The following PACS2 variants were observed in gnomAD, a reference collection of about 807,000 sequenced individuals.
The protein encoded by PACS2 is phosphofurin acidic cluster sorting protein 2, also known as PACS1-like protein.
Under a neutral mutation model 113.0 loss-of-function variants are expected in PACS2, and 36 were observed. The ratio of observed to expected loss-of-function variants is 0.32; its 90% CI spans 0.24 to 0.42. The LOEUF (loss-of-function observed/expected upper bound fraction) is 0.42. PACS2 is among the 10% of genes least tolerant of loss of function. The pLI, the probability that PACS2 is intolerant of heterozygous loss-of-function variation, is 1.00. For missense variants in PACS2, 1,015 were observed against 1,239.5 expected (o/e 0.82, Z 2.72); for synonymous variants, 589 against 536.1 (o/e 1.10, Z -1.36).
chr14:105,323,590 G>C lies in PACS2; in HGVS notation c.119+8553G>C, dbSNP rs893836222. ...TTTCATTTTGAGTGGTGGGGAAGTC[G>C]CTGGACTATTTCAAGTGTGTGTATT... On this transcript the variant is annotated intron_variant, in intron 1 of 24. Coordinates refer to ENST00000447393, the MANE Select transcript of PACS2 (RefSeq NM_001100913.3). The surrounding 1 kb of genome is among the most constrained non-coding windows in gnomAD (Gnocchi z 4.1). 6.6e-6 allele frequency among the ~76,000 whole-genome samples: 1 copy of C among 152,230 alleles called. No homozygotes were observed. The highest frequency in any genetic ancestry group is 1.5e-5 in the Non-Finnish European group (1 of 68,042).
intron 4 of PACS2, among the ~76,000 whole-genome samples, chr14:105,363,098 G>C (rs1473609634): frequency 6.6e-6 from 1 of 152,168 alleles, no homozygotes; most frequent in Non-Finnish European, 1.5e-5. Flanking sequence ...TGTCATCCAG[G>C]CTTTGTTGTT....
intron 6 of PACS2, 115 bp downstream of exon 6, chr14:105,368,262 C>G (rs1334348230): frequency 1.2e-6 from 1 of 867,422 alleles, no homozygotes; most frequent in Non-Finnish European, 1.8e-6. Flanking sequence ...AGCCACGGGC[C>G]TGGCCCCTGG....
At chr14:105,385,047 G>A (rs898458239) in intron 18 of PACS2, 60 bp downstream of exon 18, 10 of 1,074,106 alleles carry the variant, frequency 9.3e-6, no homozygotes, top group African/African-American at 7.8e-5. Flanking sequence ...ACCCTCCGTG[G>A]GCCTCCCCAC....
intron 1 of PACS2, among the ~76,000 whole-genome samples, chr14:105,347,345 G>A (rs1178140755): frequency 2.6e-5 from 4 of 152,090 alleles, no homozygotes; most frequent in African/African-American, 9.7e-5. Context: ...TGCTGGAAGG[G>A]CCTGGGACTG....
chr14:105,324,963 G>A lies in PACS2; in HGVS notation c.119+9926G>A, dbSNP rs587757511. 1.3e-5 allele frequency among the ~76,000 whole-genome samples: 2 copies of A among 152,226 alleles called. No individual in the cohort carries two copies. The highest frequency in any genetic ancestry group is 3.9e-4 in the East Asian group (2 of 5,174). On this transcript the variant is annotated intron_variant, in intron 1 of 24. Coordinates refer to ENST00000447393, the MANE Select transcript of PACS2 (RefSeq NM_001100913.3). The surrounding 1 kb of genome is among the most constrained non-coding windows in gnomAD (Gnocchi z 4.7). ...TGGGTCTGCCCTTCCTGCTGGGGGT[G>A]CACACGGGCCTGGGGCTGAGCAACC...
chr14:105,361,256 G>C (rs2060666599), intron 4 of PACS2, among the ~76,000 whole-genome samples: 1 of 152,252 alleles, frequency 6.6e-6, no homozygotes, highest in African/African-American at 2.4e-5. Flanking sequence ...CACTTTGGGA[G>C]GCCAAGGTGG....
rs1259321871 is a variant in PACS2, at chr14:105,380,612, C to T, written c.1126-345C>T. Among the ~76,000 whole-genome samples the T allele has an allele frequency of 9.2e-5, 14 of 152,146 alleles. 1 individual carries two copies. Among genetic ancestry groups the T allele is most frequent in the Admixed American group, 4.6e-4 (7 of 15,286 alleles). On this transcript the variant is annotated intron_variant, in intron 11 of 24. Coordinates refer to ENST00000447393, the MANE Select transcript of PACS2 (RefSeq NM_001100913.3). Reference sequence around the variant, plus strand: ...CCTGGACTCACCCCACCCGCAGGGTCAGGGCCCCCGGACTCCCCCCACCCT... The same window carrying T: ...CCTGGACTCACCCCACCCGCAGGGTTAGGGCCCCCGGACTCCCCCCACCCT...
intron 12 of PACS2, 113 bp from the exon 13 acceptor site, chr14:105,381,801 C>T: frequency 2.0e-6 from 2 of 989,452 alleles, no homozygotes; most frequent in Non-Finnish European, 3.0e-6. Context: ...GCCCTGTGCT[C>T]ACCCTTCCCT....
rs947046141 is a variant in PACS2, at chr14:105,324,729, C to T, written c.119+9692C>T. On this transcript the variant is annotated intron_variant, in intron 1 of 24. Coordinates refer to ENST00000447393, the MANE Select transcript of PACS2 (RefSeq NM_001100913.3). The surrounding 1 kb of genome is among the most constrained non-coding windows in gnomAD (Gnocchi z 4.7). ...AGGCCGGTGGCGCCCCGTCTCACCC[C>T]ACGGATGGGGGGCAGGCTCTCCAGG... Among the ~76,000 whole-genome samples the T allele has an allele frequency of 1.3e-5, 2 of 151,774 alleles. No homozygotes were observed. The highest frequency in any genetic ancestry group is 6.6e-5 in the Admixed American group (1 of 15,258).
chr14:105,310,417 C>A (rs1308686940), upstream of PACS2, among the ~76,000 whole-genome samples: 1 of 151,200 alleles, frequency 6.6e-6, no homozygotes, highest in Non-Finnish European at 1.5e-5. Context: ...GTAGTCCCCC[C>A]TACTCAGGAG....
intron 19 of PACS2, among the ~76,000 whole-genome samples, chr14:105,386,792 G>T (rs1231512235): frequency 6.6e-6 from 1 of 152,128 alleles, no homozygotes; most frequent in African/African-American, 2.4e-5. Context: ...ACAGGAAGGG[G>T]GCTGAACATC....
rs374454981 is a variant in PACS2 at position 105,379,836 on chromosome 14, G to C, written c.1050+7G>C. ...CAAGGAGCCCCCAAGCCCGGTGAGT[G>C]GGGCCACACTGATCTCCCAGAGCAG... is the stretch of plus-strand genomic sequence containing the variant. On this transcript the variant is annotated splice_region_variant and intron_variant, in intron 10 of 24. Coordinates refer to ENST00000447393, the MANE Select transcript of PACS2 (RefSeq NM_001100913.3). 1.2e-6 allele frequency: 2 copies of C among 1,611,410 alleles called. No homozygotes were observed. The highest frequency in any genetic ancestry group is 1.7e-6 in the Non-Finnish European group (2 of 1,178,284).
intron 20 of PACS2, 139 bp downstream of exon 20, chr14:105,390,142 G>A: frequency 1.2e-6 from 1 of 826,988 alleles, no homozygotes; most frequent in South Asian, 1.4e-5. Flanking sequence ...CTTCCCATCT[G>A]GCCTGTCTCA....
At chr14:105,350,968 G>A (rs188324481) in intron 2 of PACS2, among the ~76,000 whole-genome samples, 6 of 152,182 alleles carry the variant, frequency 3.9e-5, no homozygotes, top group Non-Finnish European at 5.9e-5. Flanking sequence ...ACCAGAGTCC[G>A]CCATGGACGT....
chr14:105,336,110 A>G (rs587634252), intron 1 of PACS2, among the ~76,000 whole-genome samples: 1 of 152,210 alleles, frequency 6.6e-6, no homozygotes, highest in Non-Finnish European at 1.5e-5. Flanking sequence ...TCGCGACCGC[A>G]CCAAGGGGGC....
chr14:105,362,552 T>A (rs587715215), intron 4 of PACS2, among the ~76,000 whole-genome samples: 61 of 151,982 alleles, frequency 4.0e-4, no homozygotes, highest in African/African-American at 1.3e-3. Flanking sequence ...ACATTTTTTT[T>A]AAATAATAAG....
At chr14:105,375,837 T>C (rs1277095803) in intron 8 of PACS2, among the ~76,000 whole-genome samples, 2 of 152,200 alleles carry the variant, frequency 1.3e-5, no homozygotes, top group African/African-American at 4.8e-5. Context: ...GCTTCATCTG[T>C]GATGGTCATA....
Position 105,329,418 on chromosome 14 carries a change from T to G in PACS2, c.119+14381T>G, listed in dbSNP as rs2059221999. Among the ~76,000 whole-genome samples, 1 of 152,192 alleles carries G rather than the reference T, an allele frequency of 6.6e-6. No individual in the cohort carries two copies. The highest frequency in any genetic ancestry group is 6.5e-5 in the Admixed American group (1 of 15,286). On this transcript the variant is annotated intron_variant, in intron 1 of 24. Coordinates refer to ENST00000447393, the MANE Select transcript of PACS2 (RefSeq NM_001100913.3). The surrounding 1 kb of genome is among the most constrained non-coding windows in gnomAD (Gnocchi z 6.4). ...CAGGACCAGCCTGCTGTCACCTGCC[T>G]GCTGCTCCTGCCCCACCAGAACCAT... is the stretch of plus-strand genomic sequence containing the variant.
chr14:105,350,474 C>T (rs2060127324), intron 2 of PACS2, among the ~76,000 whole-genome samples: 1 of 152,186 alleles, frequency 6.6e-6, no homozygotes, highest in South Asian at 2.1e-4. Flanking sequence ...CCTCAGAGCC[C>T]CACCTCTCCA....
Sources: allele counts gnomAD v4.1 joint callset (sites outside exome capture counted in the v4.1 genomes callset), GRCh38; gene constraint gnomAD v4.1.1; non-coding constraint Gnocchi (gnomAD v3.1); transcripts MANE v1.5; gene names NCBI Gene and HGNC (gene_info 2026-07-23, HGNC 2026-07-21).